Variants in HADHB observed in about 807,000 individuals in gnomAD.
HADHB encodes hydroxyacyl-CoA dehydrogenase trifunctional multienzyme complex subunit beta, also known as trifunctional enzyme subunit beta, mitochondrial.
Under a neutral mutation model 61.9 loss-of-function variants are expected in HADHB, and 50 were observed. The observed-to-expected ratio is 0.81, with a 90% confidence interval of 0.64 to 1.02. The LOEUF is 1.02. Among genes scored for constraint, HADHB ranks in the 50% least tolerant of loss-of-function variants. The pLI, the probability that HADHB is intolerant of heterozygous loss-of-function variation, is 0.00. For synonymous variants in HADHB, 191 were observed against 201.6 expected, an observed-to-expected ratio of 0.95 and a Z score of 0.45; for missense variants, 504 against 586.5, an observed-to-expected ratio of 0.86 and a Z score of 1.45.
intron 15 of HADHB, among the ~76,000 whole-genome samples, chr2:26,289,635 A>G (rs1673183545): frequency 2.0e-5 from 3 of 152,322 alleles, no homozygotes; most frequent in Middle Eastern, 3.4e-3. Flanking sequence ...ATATGAATGT[A>G]TATAAATATA....
At chr2:26,257,417 G>T (rs987539087) in intron 3 of HADHB, among the ~76,000 whole-genome samples, 3 of 151,928 alleles carry the variant, frequency 2.0e-5, no homozygotes, top group Non-Finnish European at 4.4e-5. Flanking sequence ...ACCACACCCG[G>T]CCAAGAGCTC....
chr2:26,252,237 T>G lies in HADHB; in HGVS notation c.-8-2010T>G, dbSNP rs1170939916. Reference sequence around the variant, plus strand: ...CATTACTTGTAACATACTTTTTGGTTTATACATTCTGTGATATGGAGAGGG... The same window carrying G: ...CATTACTTGTAACATACTTTTTGGTGTATACATTCTGTGATATGGAGAGGG... On this transcript the variant is annotated intron_variant, in intron 1 of 15. Transcript: ENST00000317799. Among the ~76,000 whole-genome samples, 4 of 152,314 alleles carry G rather than the reference T, an allele frequency of 2.6e-5. No individual in the cohort carries two copies. The East Asian group carries it at 7.7e-4, about 29-fold the overall frequency.
In HADHB at chr2:26,280,853, CAAAAAAAAAAA is replaced by C. The variant is rs10560210; in HGVS notation, c.933+756_933+766del. 5.9e-4 allele frequency among the ~76,000 whole-genome samples: 29 copies of C among 49,166 alleles called. No homozygotes were observed. The South Asian group carries it at 8.3e-3, about 14-fold the overall frequency. The allele number at this position is 49,166 out of a possible 152,430, so 32.3% of individuals were successfully genotyped here. A position where few individuals can be genotyped will look rare whatever the true frequency, so the allele number is the denominator to read the frequency against. ...CTGCACAAGAGCGAAACTCCCATCT[CAAAAAAAAAAA>C]AAAAAAAAAAAAAAAAAGGCATTTT... On this transcript the variant is annotated intron_variant, in intron 10 of 15. Transcript: ENST00000317799.
chr2:26,261,918 T>TA (rs1671883265), intron 3 of HADHB, among the ~76,000 whole-genome samples: 1 of 152,172 alleles, frequency 6.6e-6, no homozygotes, highest in Admixed American at 6.5e-5. Context: ...GTTGCCAACA[T>TA]ACCTTGTTTT....
chr2:26,246,333 T>A (rs933385474), intron 1 of HADHB, among the ~76,000 whole-genome samples: 17 of 151,190 alleles, frequency 1.1e-4, no homozygotes, highest in African/African-American at 4.1e-4. Context: ...TCTTTTGTTT[T>A]GTTTTGTTTA....
chr2:26,245,265 T>G lies in HADHB; in HGVS notation c.-9+275T>G, dbSNP rs143481127. On this transcript the variant is annotated intron_variant, in intron 1 of 15. Coordinates refer to ENST00000317799, the MANE Select transcript of HADHB (RefSeq NM_000183.3). ...TTAACGAAGTCTGGGGGTGTGGGGG[T>G]GTGTGTGTGTGTGTGGGTGTGTGTG... is the stretch of plus-strand genomic sequence containing the variant. 0.055 allele frequency: 6,127 copies of G among 111,168 alleles called. 164 individuals are homozygous for G. The highest frequency in any genetic ancestry group is 0.094 in the Non-Finnish European group (4,392 of 46,824). The allele number at this position is 111,168 out of a possible 1,614,324, so 6.9% of individuals were successfully genotyped here. A position where few individuals can be genotyped will look rare whatever the true frequency, so the allele number is the denominator to read the frequency against.
chr2:26,253,439 C>T (rs986067347), intron 1 of HADHB, among the ~76,000 whole-genome samples: 2 of 152,146 alleles, frequency 1.3e-5, no homozygotes, highest in African/African-American at 2.4e-5. Context: ...AATCATAGTA[C>T]AGCCTTCAGA....
intron 3 of HADHB, chr2:26,254,749 A>G: frequency 2.4e-6 from 1 of 417,360 alleles, no homozygotes; most frequent in Non-Finnish European, 4.4e-6. Flanking sequence ...CTCGTTGGTC[A>G]GTTTATTTAT....
chr2:26,285,794 G>GTGGTAATA (rs1358211017), intron 15 of HADHB, among the ~76,000 whole-genome samples: 1 of 120,428 alleles, frequency 8.3e-6, no homozygotes, highest in Non-Finnish European at 1.6e-5. Flanking sequence ...TTGGAATGCA[G>GTGGTAATA]TGGTAATATC....
chr2:26,267,347 G>A (rs1672129518), intron 4 of HADHB, among the ~76,000 whole-genome samples: 1 of 152,104 alleles, frequency 6.6e-6, no homozygotes, highest in South Asian at 2.1e-4. Context: ...TTAAAAAAAA[G>A]AGGGGTTCAG....
At chr2:26,272,226 T>A (rs1225522782) in intron 5 of HADHB, among the ~76,000 whole-genome samples, 1 of 152,242 alleles carries the variant, frequency 6.6e-6, no homozygotes, top group African/African-American at 2.4e-5. Flanking sequence ...TTTAGTATAA[T>A]GCTGGTTGTT....
At chr2:26,260,284 G>T (rs557173330) in intron 3 of HADHB, among the ~76,000 whole-genome samples, 262 of 152,084 alleles carry the variant, frequency 1.7e-3, no homozygotes, top group Non-Finnish European at 2.8e-3. Context: ...GTTTCACCAT[G>T]TTGGCCAGGC....
chr2:26,254,857 C>T (rs1671544140), intron 3 of HADHB: 1 of 230,350 alleles, frequency 4.3e-6, no homozygotes, highest in Non-Finnish European at 8.7e-6. Context: ...TTGTGAAATG[C>T]TTCTCTATTG....
At position 26,282,846 on chromosome 2, in the gene HADHB, C is replaced by G. The variant is rs1456051908; in HGVS notation, c.935C>G (p.Thr312Ser). ...ACATTGTGCTGGTTAACATTTCAGA[C>G]TGATGGTGCATCTGCAATGTTAATC... The part of the protein sequence containing the change: ...TVTAANSSFL[T>S]DGASAMLIMA... The change falls in exon 11 of 16, where the codon ACT becomes AGT. Residue 312 changes from threonine to serine, a missense_variant and splice_region_variant. Physicochemically the swap from Thr to Ser is moderately conservative, Grantham distance 58. Transcript: ENST00000317799. 6.2e-7 allele frequency: 1 copy of G among 1,607,986 alleles called. No individual in the cohort carries two copies. The highest frequency in any genetic ancestry group is 1.3e-5 in the African/African-American group (1 of 74,936).
chr2:26,265,624 A>C (rs1672044746), intron 4 of HADHB, among the ~76,000 whole-genome samples: 1 of 135,608 alleles, frequency 7.4e-6, no homozygotes, highest in African/African-American at 2.5e-5. Context: ...ACAACAACAA[A>C]ACACCCAAAC....
intron 1 of HADHB, chr2:26,245,403 A>G (rs1308724591): frequency 3.9e-5 from 6 of 152,228 alleles, no homozygotes; most frequent in African/African-American, 1.4e-4. Flanking sequence ...GGACGGCGCC[A>G]TGGGTTTGCC....
At chr2:26,285,677 C>G (rs1222007001) in intron 15 of HADHB, 106 bp downstream of exon 15, 7 of 676,242 alleles carry the variant, frequency 1.0e-5, no homozygotes, top group Admixed American at 2.3e-5. Context: ...TTTTGATGAC[C>G]TGGGGGTGGG....
At chr2:26,253,001 TGA>T (rs923649860) in intron 1 of HADHB, among the ~76,000 whole-genome samples, 2 of 152,258 alleles carry the variant, frequency 1.3e-5, no homozygotes, top group African/African-American at 4.8e-5. Flanking sequence ...TTTGCTACTT[TGA>T]GAGACAATTA....
At chr2:26,253,776 C>G (rs1045621333) in intron 1 of HADHB, among the ~76,000 whole-genome samples, 1 of 151,606 alleles carries the variant, frequency 6.6e-6, no homozygotes, top group African/African-American at 2.4e-5. Context: ...TCGACTGAAC[C>G]TGGGAGGCAA....
Sources: allele counts gnomAD v4.1 joint callset (sites outside exome capture counted in the v4.1 genomes callset), GRCh38; gene constraint gnomAD v4.1.1; transcripts MANE v1.5; gene names NCBI Gene and HGNC (gene_info 2026-07-23, HGNC 2026-07-21).